Variants in CPO observed in about 807,000 individuals in gnomAD.
CPO encodes carboxypeptidase O, also known as metallocarboxypeptidase C.
Under a neutral mutation model 41.2 loss-of-function variants are expected in CPO, and 43 were observed. That is an observed-to-expected ratio of 1.04 (90% CI 0.82 to 1.35). CPO has a LOEUF of 1.35. Among genes scored for constraint, CPO ranks in the 40% most tolerant of loss-of-function variants. The pLI is 0.00. For missense variants in CPO, 408 were observed against 451.7 expected, an observed-to-expected ratio of 0.90 and a Z score of 0.88; for synonymous variants, 178 against 162.7, an observed-to-expected ratio of 1.09 and a Z score of -0.72.
chr2:206,952,858 G>A (rs1693291137), intron 2 of CPO, among the ~76,000 whole-genome samples: 1 of 152,154 alleles, frequency 6.6e-6, no homozygotes, highest in Non-Finnish European at 1.5e-5. Context: ...TGGCTGGGGA[G>A]GCCTCAAAAT....
chr2:206,940,922 T>G (rs1221770500), intron 1 of CPO, among the ~76,000 whole-genome samples: 1 of 152,094 alleles, frequency 6.6e-6, no homozygotes, highest in African/African-American at 2.4e-5. Context: ...AAAACCTGTT[T>G]GAATATTTCT....
intron 1 of CPO, among the ~76,000 whole-genome samples, chr2:206,946,405 A>T (rs1693146706): frequency 6.6e-6 from 1 of 152,204 alleles, no homozygotes; most frequent in Non-Finnish European, 1.5e-5. Flanking sequence ...ATAGATGTAG[A>T]AAAAGCATTT....
chr2:206,963,584 G>T (rs1693519350), intron 7 of CPO, among the ~76,000 whole-genome samples: 1 of 152,144 alleles, frequency 6.6e-6, no homozygotes, highest in Admixed American at 6.5e-5. Flanking sequence ...TCATATAAGG[G>T]AACCATGCAG....
chr2:206,947,471 C>T (rs1418599099), intron 1 of CPO, among the ~76,000 whole-genome samples: 1 of 151,936 alleles, frequency 6.6e-6, no homozygotes, highest in Non-Finnish European at 1.5e-5. Flanking sequence ...TAAGAGAAAA[C>T]CTAGATGACT....
In CPO at chr2:206,960,905, G is replaced by T. The variant is rs771173990; in HGVS notation, c.537G>T (p.Gly179=). ...RSPHNNGTCF[G]TDLNRNFNAS... ...CCCATAATAATGGCACATGTTTTGGGACGGATCTCAATCGAAATTTCAATG... is the reference window on the plus strand; with the variant it reads ...CCCATAATAATGGCACATGTTTTGGTACGGATCTCAATCGAAATTTCAATG... Residue 179 remains glycine (G), a synonymous_variant, in exon 6 of 9, where the codon GGG becomes GGT. Transcript: ENST00000272852. The T allele has an allele frequency of 4.3e-6, 7 of 1,613,796 alleles. No homozygotes were observed. Among genetic ancestry groups the T allele is most frequent in the Middle Eastern group, 1.7e-4 (1 of 6,058 alleles).
chr2:206,940,254 C>T (rs115748749), intron 1 of CPO, among the ~76,000 whole-genome samples: 419 of 152,090 alleles, frequency 2.8e-3, no homozygotes, highest in Non-Finnish European at 4.7e-3. Flanking sequence ...TGATGAGCAA[C>T]CAGCTACATA....
intron 2 of CPO, among the ~76,000 whole-genome samples, chr2:206,952,139 G>A (rs1389927177): frequency 6.7e-6 from 1 of 148,556 alleles, no homozygotes; most frequent in Non-Finnish European, 1.5e-5. Context: ...TTTTGAGACA[G>A]AGTCTTGCTC....
intron 2 of CPO, among the ~76,000 whole-genome samples, chr2:206,950,280 G>C (rs1370817873): frequency 6.6e-6 from 1 of 152,158 alleles, no homozygotes; most frequent in African/African-American, 2.4e-5. Flanking sequence ...AGTGGGCAAA[G>C]GATATGAACA....
Position 206,969,434 on chromosome 2 carries a change from T to C in CPO, c.1123T>C (p.Ter375GlnextTer?). ...GLLVSCMSLL* is the reference protein window; with the variant it reads ...GLLVSCMSLLQ Reference sequence around the variant, plus strand: ...GCTGGTGTCCTGCATGTCTCTTCTCTAAGTGCATTCTGCCCAGGCCTGCTC... The same window carrying C: ...GCTGGTGTCCTGCATGTCTCTTCTCCAAGTGCATTCTGCCCAGGCCTGCTC... Residue 375 changes from the stop codon to glutamine, a stop_lost, in exon 9 of 9, where the codon TAA (stop) becomes CAA (glutamine). Coordinates refer to ENST00000272852, the MANE Select transcript of CPO (RefSeq NM_173077.3). The C allele has an allele frequency of 6.2e-7, 1 of 1,613,984 alleles. No individual in the cohort carries two copies. The highest frequency in any genetic ancestry group is 8.5e-7 in the Non-Finnish European group (1 of 1,179,916).
At position 206,958,324 on chromosome 2, in the gene CPO, C is replaced by T. The variant is rs1281909494; in HGVS notation, c.291C>T (p.Pro97=). Residue 97 remains proline, a synonymous_variant, in exon 4 of 9, where the codon CCC becomes CCT. Transcript: ENST00000272852. ...AGATCAGCCAACCATCTGGTAATCC[C>T]AAGAAAATCATTTGGATGGACTGTG... The part of the protein sequence containing the change: ...YLKISQPSGN[P]KKIIWMDCGI... The T allele has an allele frequency of 3.1e-6, 5 of 1,595,580 alleles. No homozygotes were observed. The highest frequency in any genetic ancestry group is 2.3e-5 in the East Asian group (1 of 43,704).
intron 7 of CPO, among the ~76,000 whole-genome samples, chr2:206,966,152 C>T (rs989724692): frequency 2.0e-5 from 3 of 149,072 alleles, no homozygotes; most frequent in Non-Finnish European, 4.4e-5. Flanking sequence ...AGCCAGGATT[C>T]GAGGAAAGGC....
At chr2:206,948,395 A>T (rs1420244229) in intron 1 of CPO, among the ~76,000 whole-genome samples, 2 of 152,234 alleles carry the variant, frequency 1.3e-5, no homozygotes, top group African/African-American at 4.8e-5. Context: ...TGGAGAAGTA[A>T]ACAGGGCAGT....
intron 7 of CPO, among the ~76,000 whole-genome samples, chr2:206,967,503 G>A (rs1156709826): frequency 6.6e-6 from 1 of 152,004 alleles, no homozygotes; most frequent in East Asian, 1.9e-4. Context: ...ATCAGGTAAG[G>A]CCTCTTGGAG....
intron 7 of CPO, 60 bp from the exon 8 acceptor site, chr2:206,968,203 G>T (rs1693620828): frequency 8.7e-7 from 1 of 1,155,172 alleles, no homozygotes; most frequent in East Asian, 2.4e-5. Context: ...ACACCAAATG[G>T]TTGGATTGTT....
chr2:206,957,453 TA>T (rs1272680354), intron 3 of CPO, among the ~76,000 whole-genome samples: 2 of 152,010 alleles, frequency 1.3e-5, no homozygotes, highest in Non-Finnish European at 2.9e-5. Flanking sequence ...TAGATGAGGC[TA>T]AAAGGAGAAG....
intron 1 of CPO, among the ~76,000 whole-genome samples, chr2:206,943,785 GCA>G (rs1693090105): frequency 7.6e-6 from 1 of 131,308 alleles, no homozygotes; most frequent in Non-Finnish European, 1.8e-5. Flanking sequence ...TAGATGATAA[GCA>G]GATAGATGGA....
intron 1 of CPO, among the ~76,000 whole-genome samples, chr2:206,944,413 A>C (rs1693102601): frequency 6.6e-6 from 1 of 151,974 alleles, no homozygotes; most frequent in Admixed American, 6.6e-5. Flanking sequence ...TTTATATTAA[A>C]ATTTCTCACT....
chr2:206,966,351 TA>T lies in CPO; in HGVS notation c.778-1901del, dbSNP rs767968908. Among the ~76,000 whole-genome samples the T allele has an allele frequency of 7.8e-3, 1,147 of 147,792 alleles. 17 individuals are homozygous for T. The highest frequency in any genetic ancestry group is 0.025 in the African/African-American group (1,028 of 40,520). Reference sequence around the variant, plus strand: ...GGACCAGTTAGCATGGAGTTCCATTTAAAAAAAAAAATGGGAATTAAAAATA... The same window carrying T: ...GGACCAGTTAGCATGGAGTTCCATTTAAAAAAAAAATGGGAATTAAAAATA... On this transcript the variant is annotated intron_variant, in intron 7 of 8. Coordinates refer to ENST00000272852, the MANE Select transcript of CPO (RefSeq NM_173077.3).
chr2:206,939,748 A>T, intron 1 of CPO, 81 bp downstream of exon 1: 2 of 1,218,996 alleles, frequency 1.6e-6, no homozygotes, highest in Non-Finnish European at 2.4e-6. Context: ...AGACCAATGC[A>T]GCTGGCTTCT....
Sources: gnomAD v4.1 joint callset for allele counts (sites outside exome capture counted in the v4.1 genomes callset) on GRCh38, gnomAD v4.1.1 for gene constraint, MANE v1.5 for transcripts, NCBI Gene and HGNC (gene_info 2026-07-23, HGNC 2026-07-21) for gene names.